The following IGDCC4 variants were observed in gnomAD, a reference collection of about 807,000 sequenced individuals.
IGDCC4 encodes the protein immunoglobulin superfamily DCC subclass member 4, also known as likely ortholog of mouse neighbor of Punc E11.
Under a neutral mutation model 116.6 loss-of-function variants are expected in IGDCC4, and 72 were observed. That is an observed-to-expected ratio of 0.62 (90% CI 0.51 to 0.75). The LOEUF is 0.75. Among genes scored for constraint, IGDCC4 ranks in the 30% least tolerant of loss-of-function variants. The pLI is 0.00. For missense variants in IGDCC4, 1,501 were observed against 1,662.4 expected (o/e 0.90, Z 1.69); for synonymous variants, 709 against 719.9 (o/e 0.98, Z 0.24).
intron 12 of IGDCC4, among the ~76,000 whole-genome samples, chr15:65,390,850 T>C (rs183674604): frequency 1.5e-3 from 225 of 152,346 alleles, no homozygotes; most frequent in African/African-American, 5.2e-3. Context: ...AGAACCTTAT[T>C]TGTGTTGTCC....
chr15:65,406,198 T>C (rs1317956643), intron 3 of IGDCC4, among the ~76,000 whole-genome samples: 2 of 152,292 alleles, frequency 1.3e-5, no homozygotes, highest in Non-Finnish European at 2.9e-5. Flanking sequence ...TTTATTTTTA[T>C]GGCTATCTTC....
intron 3 of IGDCC4, among the ~76,000 whole-genome samples, chr15:65,407,600 C>T (rs750907153): frequency 5.9e-5 from 9 of 152,046 alleles, no homozygotes; most frequent in Non-Finnish European, 1.0e-4. Context: ...ACCTCAGCCC[C>T]CCAAAGTGCT....
At chr15:65,394,688 C>T in intron 8 of IGDCC4, 140 bp from the exon 9 acceptor site, 1 of 844,874 alleles carries the variant, frequency 1.2e-6, no homozygotes, top group South Asian at 1.8e-5. Flanking sequence ...AAGGGAGCTT[C>T]TCAGGGGAGC....
intron 1 of IGDCC4, among the ~76,000 whole-genome samples, chr15:65,422,148 C>A (rs2063197966): frequency 6.6e-6 from 1 of 152,024 alleles, no homozygotes; most frequent in South Asian, 2.1e-4. Flanking sequence ...GGGAGCAACA[C>A]CTCCCTCTAC....
At position 65,388,175 on chromosome 15, in the gene IGDCC4, C is replaced by T. The variant is rs544230875; in HGVS notation, c.2845+274G>A. 3.4e-5 allele frequency among the ~76,000 whole-genome samples: 5 copies of T among 147,764 alleles called. No homozygotes were observed. The South Asian group carries it at 6.9e-4, about 20-fold the overall frequency. ...AGCAGAATCGCTTGAACCTGGGAGGCGGAGGTTGCAGTGAGCCGAGATTGC... is the reference window on the plus strand; with the variant it reads ...AGCAGAATCGCTTGAACCTGGGAGGTGGAGGTTGCAGTGAGCCGAGATTGC... On this transcript the variant is annotated intron_variant, in intron 16 of 19. Coordinates refer to ENST00000352385, the MANE Select transcript of IGDCC4 (RefSeq NM_020962.3).
At position 65,392,035 on chromosome 15, in the gene IGDCC4, C is replaced by T. The variant is rs1009108906; in HGVS notation, c.2123-54G>A. The T allele has an allele frequency of 4.6e-5, 72 of 1,554,438 alleles. 1 individual carries two copies. The Admixed American group carries it at 1.1e-3, about 25-fold the overall frequency. ...AGGGGGACATCTGGGGTCACTCTCC[C>T]GTCCACAGAGAGCATCCCATCTCTA... On this transcript the variant is annotated intron_variant, in intron 11 of 19. Transcript: ENST00000352385.
intron 6 of IGDCC4, 79 bp from the exon 7 acceptor site, chr15:65,396,242 C>A (rs2140208026): frequency 1.6e-6 from 2 of 1,287,928 alleles, no homozygotes; most frequent in East Asian, 3.5e-5. Context: ...CCCAAGCCTG[C>A]CCCCCACCGC....
chr15:65,419,475 GTGTGTTTAAT>G (rs2140245065), intron 1 of IGDCC4, among the ~76,000 whole-genome samples: 1 of 152,270 alleles, frequency 6.6e-6, no homozygotes, highest in South Asian at 2.1e-4. Context: ...ACATGTAAAT[GTGTGTTTAAT>G]TGAGTCATGA....
At chr15:65,416,358 C>CA (rs2063144185) in intron 1 of IGDCC4, among the ~76,000 whole-genome samples, 1 of 151,952 alleles carries the variant, frequency 6.6e-6, no homozygotes, top group African/African-American at 2.4e-5. Flanking sequence ...AGGATGGTCT[C>CA]AATCTCCTGA....
At chr15:65,402,322 A>G (rs1027587247) in intron 4 of IGDCC4, 29 bp downstream of exon 4, 23 of 1,553,382 alleles carry the variant, frequency 1.5e-5, no homozygotes, top group Non-Finnish European at 1.7e-5. Flanking sequence ...AGAAACCCCC[A>G]GGTTTCCCCA....
chr15:65,402,845 C>A (rs541659719), intron 3 of IGDCC4, among the ~76,000 whole-genome samples: 2 of 152,112 alleles, frequency 1.3e-5, no homozygotes, highest in Non-Finnish European at 2.9e-5. Context: ...CCAGCCTGGG[C>A]GACAACAGCA....
intron 3 of IGDCC4, among the ~76,000 whole-genome samples, chr15:65,408,838 CTTTTT>C (rs397702487): frequency 1.7e-5 from 2 of 118,636 alleles, no homozygotes; most frequent in Non-Finnish European, 3.4e-5. Context: ...ATGTCTCTCT[CTTTTT>C]TTTTTTTTTT....
rs184729818 is a variant in IGDCC4 at position 65,397,965 on chromosome 15, A to C, written c.842-976T>G. Reference sequence around the variant, plus strand: ...TGAATTACATTATAGCTATATTTAAAGTATGGAATATTAGTCATTACAATT... The same window carrying C: ...TGAATTACATTATAGCTATATTTAACGTATGGAATATTAGTCATTACAATT... On this transcript the variant is annotated intron_variant, in intron 5 of 19. Transcript: ENST00000352385. 3.0e-3 allele frequency among the ~76,000 whole-genome samples: 453 copies of C among 152,376 alleles called. 1 individual carries two copies. The highest frequency in any genetic ancestry group is 0.01 in the African/African-American group (429 of 41,592).
At position 65,389,285 on chromosome 15, in the gene IGDCC4, G is replaced by T; in HGVS notation, c.2535C>A (p.Asp845Glu). 1 of 1,612,746 alleles carries T rather than the reference G, an allele frequency of 6.2e-7. No homozygotes were observed. Among genetic ancestry groups the T allele is most frequent in the Non-Finnish European group, 8.5e-7 (1 of 1,179,442 alleles). ...GGCAAGGGGCTGGGAGCCACTCACG[G>T]TCAGGCAGGGTGGAGCGCTCCACCA... is the stretch of plus-strand genomic sequence containing the variant. ...GSVVERSTLP[D>E]RPSTPPSDLR... Residue 845 changes from aspartate to glutamate, a missense_variant and splice_region_variant, in exon 14 of 20, where the codon GAC becomes GAA. Physicochemically the swap from Asp to Glu is conservative, Grantham distance 45. This residue lies in a region of IGDCC4 where 235 missense variants were observed against 328.0 expected (regional missense o/e 0.72). Transcript: ENST00000352385.
At position 65,393,338 on chromosome 15, in the gene IGDCC4, C is replaced by A; in HGVS notation, c.1885+23G>T. On this transcript the variant is annotated intron_variant, in intron 10 of 19. Coordinates refer to ENST00000352385, the MANE Select transcript of IGDCC4 (RefSeq NM_020962.3). The surrounding 1 kb of genome is among the most constrained non-coding windows in gnomAD (Gnocchi z 4.6). ...CCCACACAGTCACACACACACTGTC[C>A]TGTCTCTCCTCTAACCCCGTACCAT... The A allele has an allele frequency of 6.3e-7, 1 of 1,591,702 alleles. No homozygotes were observed. The highest frequency in any genetic ancestry group is 8.6e-7 in the Non-Finnish European group (1 of 1,167,096).
intron 7 of IGDCC4, 28 bp from the exon 8 acceptor site, chr15:65,395,286 T>A (rs1219047611): frequency 6.3e-7 from 1 of 1,592,926 alleles, no homozygotes; most frequent in African/African-American, 1.3e-5. Flanking sequence ...AAGGGGACTG[T>A]CATAGTGCCA....
At position 65,395,221 on chromosome 15, in the gene IGDCC4, G is replaced by T; in HGVS notation, c.1449C>A (p.Asn483Lys). 1 of 1,613,668 alleles carries T rather than the reference G, an allele frequency of 6.2e-7. No homozygotes were observed. Among genetic ancestry groups the T allele is most frequent in the Non-Finnish European group, 8.5e-7 (1 of 1,179,696 alleles). The change falls in exon 8 of 20, where the codon AAC becomes AAA. Residue 483 changes from asparagine (N) to lysine (K), a missense_variant. By Grantham distance (94) the Asn-to-Lys change is moderately conservative. Coordinates refer to ENST00000352385, the MANE Select transcript of IGDCC4 (RefSeq NM_020962.3). ...CCCGAACCTGTAGTTCTGTGGTGTCGTTGTTCACTGCAAACTGGTATTCCA... is the reference window on the plus strand; with the variant it reads ...CCCGAACCTGTAGTTCTGTGGTGTCTTTGTTCACTGCAAACTGGTATTCCA... ...DNVEYQFAVN[N>K]DTTELQVRDL...
At chr15:65,397,014 T>C in intron 5 of IGDCC4, 25 bp from the exon 6 acceptor site, 6 of 1,569,028 alleles carry the variant, frequency 3.8e-6, no homozygotes, top group Non-Finnish European at 4.3e-6. Flanking sequence ...GGAGACGCGC[T>C]GGAGGGGACG....
rs2062889480 is a variant in IGDCC4 at position 65,393,624 on chromosome 15, T to G, written c.1715-93A>C. The G allele has an allele frequency of 7.4e-7, 1 of 1,346,518 alleles. No homozygotes were observed. The highest frequency in any genetic ancestry group is 1.5e-5 in the African/African-American group (1 of 68,530). 83.4% of individuals were successfully genotyped at this position (1,346,518 alleles called of 1,614,324 possible). On this transcript the variant is annotated intron_variant, in intron 9 of 19. Coordinates refer to ENST00000352385, the MANE Select transcript of IGDCC4 (RefSeq NM_020962.3). This position sits in a 1 kb window ranked among gnomAD's most constrained non-coding sequence, Gnocchi z 4.6. Reference sequence around the variant, plus strand: ...TGGCTCTTCCGCCTCACATCCCGGTTCCTCCGTGCCCGTGGGAGCCTGAGG... The same window carrying G: ...TGGCTCTTCCGCCTCACATCCCGGTGCCTCCGTGCCCGTGGGAGCCTGAGG...
Sources: gnomAD v4.1 joint callset for allele counts (sites outside exome capture counted in the v4.1 genomes callset) on GRCh38, gnomAD v4.1.1 for gene constraint, gnomAD v4.1.1 regional missense constraint, Gnocchi (gnomAD v3.1) non-coding constraint, MANE v1.5 for transcripts, NCBI Gene and HGNC (gene_info 2026-07-23, HGNC 2026-07-21) for gene names.